The following IMMP2L variants were observed in gnomAD, a reference collection of about 807,000 sequenced individuals.
IMMP2L encodes the protein inner mitochondrial membrane peptidase subunit 2, also known as mitochondrial inner membrane protease subunit 2.
Under a neutral mutation model 19.3 loss-of-function variants are expected in IMMP2L, and 18 were observed. The observed-to-expected ratio is 0.93, with a 90% CI of 0.64 to 1.38. The LOEUF (loss-of-function observed/expected upper bound fraction) is 1.38. Ranked by LOEUF, IMMP2L falls within the 40% of genes most tolerant of loss-of-function variation. The pLI is 0.00. For missense variants in IMMP2L, 233 were observed against 218.2 expected (o/e 1.07, Z -0.43); for synonymous variants, 76 against 73.0 (o/e 1.04, Z -0.21).
chr7:111,386,190 T>C (rs140994687), intron 3 of IMMP2L, among the ~76,000 whole-genome samples: 2 of 152,140 alleles, frequency 1.3e-5, no homozygotes, highest in East Asian at 3.9e-4. Flanking sequence ...CTCCACATGA[T>C]TGATAAATAA....
intron 5 of IMMP2L, among the ~76,000 whole-genome samples, chr7:110,782,014 C>G (rs890682847): frequency 2.0e-5 from 3 of 151,672 alleles, no homozygotes; most frequent in African/African-American, 7.3e-5. Context: ...TCTTTATAAC[C>G]CAGTAGTGGT....
intron 5 of IMMP2L, among the ~76,000 whole-genome samples, chr7:110,824,708 T>A (rs571537429): frequency 6.6e-6 from 1 of 152,214 alleles, no homozygotes; most frequent in African/African-American, 2.4e-5. Context: ...TGTGCATGCT[T>A]TTGAAACATC....
At chr7:111,112,415 C>G (rs1273430417) in intron 3 of IMMP2L, among the ~76,000 whole-genome samples, 1 of 152,168 alleles carries the variant, frequency 6.6e-6, no homozygotes, top group African/African-American at 2.4e-5. Flanking sequence ...CTCATATTAA[C>G]CATTTAACAC....
chr7:111,338,703 T>C (rs1367721055), intron 3 of IMMP2L, among the ~76,000 whole-genome samples: 1 of 152,116 alleles, frequency 6.6e-6, no homozygotes, highest in East Asian at 1.9e-4. Context: ...ACACTTACTA[T>C]ATACTCTGTG....
At chr7:110,891,497 A>G (rs567829445) in intron 4 of IMMP2L, among the ~76,000 whole-genome samples, 1 of 152,342 alleles carries the variant, frequency 6.6e-6, no homozygotes, top group Non-Finnish European at 1.5e-5. Context: ...CCAGCTGACA[A>G]GAACCCACAA....
At chr7:111,074,111 C>T (rs1795184278) in intron 3 of IMMP2L, among the ~76,000 whole-genome samples, 1 of 152,180 alleles carries the variant, frequency 6.6e-6, no homozygotes, top group African/African-American at 2.4e-5. Context: ...AACATCAAAG[C>T]TGGAAGGGAC....
chr7:111,501,683 A>G (rs1272960624), intron 2 of IMMP2L, among the ~76,000 whole-genome samples: 1 of 152,156 alleles, frequency 6.6e-6, no homozygotes, highest in African/African-American at 2.4e-5. Flanking sequence ...ATTCTTAAAG[A>G]AAAGAATTTT....
chr7:111,442,967 C>T (rs1480880093), intron 3 of IMMP2L, among the ~76,000 whole-genome samples: 5 of 151,888 alleles, frequency 3.3e-5, no homozygotes, highest in African/African-American at 1.2e-4. Flanking sequence ...CAAAGTGGAA[C>T]ACAGGCCTCA....
chr7:111,126,830 G>A (rs1350431038), intron 3 of IMMP2L, among the ~76,000 whole-genome samples: 2 of 152,138 alleles, frequency 1.3e-5, no homozygotes, highest in Non-Finnish European at 2.9e-5. Context: ...AAGCTTTCAT[G>A]TTAATTGCTA....
intron 5 of IMMP2L, among the ~76,000 whole-genome samples, chr7:110,753,394 C>G (rs1797847551): frequency 6.6e-6 from 1 of 151,884 alleles, no homozygotes; most frequent in African/African-American, 2.4e-5. Flanking sequence ...AAGTGGAGAC[C>G]AGGTTTACTT....
rs147571783 is a variant in IMMP2L, at chr7:111,031,407, T to TGTGA, written c.240-67843_240-67842insTCAC. Among the ~76,000 whole-genome samples the TGTGA allele has an allele frequency of 2.5e-3, 371 of 147,216 alleles. 5 individuals are homozygous for TGTGA. The East Asian group carries it at 0.044, about 18-fold the overall frequency. On this transcript the variant is annotated intron_variant, in intron 3 of 5. Coordinates refer to ENST00000405709, the MANE Select transcript of IMMP2L (RefSeq NM_032549.4). ...GTGTGTGTGTGTGTGTGTGTGTGTG[T>TGTGA]GAGAGAAAGAGAAATCCTATATTGA...
intron 5 of IMMP2L, among the ~76,000 whole-genome samples, chr7:110,706,837 C>T (rs1794721268): frequency 6.6e-6 from 1 of 151,868 alleles, no homozygotes. Flanking sequence ...TGTGCAGATG[C>T]TCCTTAGTTT....
chr7:111,041,268 A>G (rs1445461408), intron 3 of IMMP2L, among the ~76,000 whole-genome samples: 1 of 152,184 alleles, frequency 6.6e-6, no homozygotes, highest in Non-Finnish European at 1.5e-5. Flanking sequence ...GGTCTAAAGA[A>G]TAAGTTTACA....
chr7:111,288,122 A>G (rs1820698562), intron 3 of IMMP2L, among the ~76,000 whole-genome samples: 1 of 152,092 alleles, frequency 6.6e-6, no homozygotes, highest in African/African-American at 2.4e-5. Context: ...GCACTAAGAT[A>G]TATGTTAAAC....
intron 3 of IMMP2L, among the ~76,000 whole-genome samples, chr7:111,115,487 G>A (rs1799766090): frequency 1.3e-5 from 2 of 151,818 alleles, no homozygotes; most frequent in Admixed American, 6.6e-5. Flanking sequence ...ACCCCAATAT[G>A]AAATGTGCCT....
chr7:111,209,064 A>G (rs1320957922), intron 3 of IMMP2L, among the ~76,000 whole-genome samples: 2 of 152,148 alleles, frequency 1.3e-5, no homozygotes, highest in Non-Finnish European at 2.9e-5. Context: ...CAATTTGTTT[A>G]TTTCTTCAGA....
chr7:111,281,216 A>AAGAGAAAG, intron 3 of IMMP2L, among the ~76,000 whole-genome samples: 1 of 38,798 alleles, frequency 2.6e-5, no homozygotes, highest in East Asian at 8.1e-4. Flanking sequence ...GAAAGAAAGA[A>AAGAGAAAG]AAAGAAAGAA....
chr7:111,109,167 C>T (rs751753662), intron 3 of IMMP2L, among the ~76,000 whole-genome samples: 1 of 151,964 alleles, frequency 6.6e-6, no homozygotes, highest in Non-Finnish European at 1.5e-5. Flanking sequence ...AATTAAAGAA[C>T]AAACATCTAG....
intron 3 of IMMP2L, among the ~76,000 whole-genome samples, chr7:111,082,914 TCCTTA>T (rs1796007223): frequency 6.6e-6 from 1 of 152,110 alleles, no homozygotes; most frequent in Admixed American, 6.6e-5. Context: ...ATTTTACATT[TCCTTA>T]CCTTAAAAAC....
Sources: gnomAD v4.1 joint callset for allele counts (sites outside exome capture counted in the v4.1 genomes callset) on GRCh38, gnomAD v4.1.1 for gene constraint, MANE v1.5 for transcripts, NCBI Gene and HGNC (gene_info 2026-07-23, HGNC 2026-07-21) for gene names.